NKAIN1: variants seen among roughly 807,000 people sequenced by gnomAD.
The protein encoded by NKAIN1 is sodium/potassium transporting ATPase interacting 1, also known as sodium/potassium-transporting ATPase subunit beta-1-interacting protein 1.
Under a neutral mutation model 31.6 loss-of-function variants are expected in NKAIN1, and 13 were observed. The observed-to-expected ratio is 0.41, with a 90% CI of 0.27 to 0.65. NKAIN1 has a LOEUF of 0.65. NKAIN1 is among the 30% of genes least tolerant of loss of function. The probability of loss-of-function intolerance (pLI) is 0.30; values close to 1 mark genes in which losing one functional copy is unlikely to be tolerated. For synonymous variants in NKAIN1, 104 were observed against 109.0 expected (o/e 0.95, Z 0.28); for missense variants, 193 against 262.2 (o/e 0.74, Z 1.82).
intron 1 of NKAIN1, among the ~76,000 whole-genome samples, chr1:31,200,304 G>C (rs1351759179): frequency 6.6e-6 from 1 of 152,186 alleles, no homozygotes; most frequent in Admixed American, 6.5e-5. Flanking sequence ...GTAAACACAG[G>C]ACCAAAAGCC....
At chr1:31,201,894 G>A (rs1645383080) in intron 1 of NKAIN1, among the ~76,000 whole-genome samples, 1 of 152,162 alleles carries the variant, frequency 6.6e-6, no homozygotes. Flanking sequence ...CCCTGGAGGG[G>A]TAATCTTCCT....
rs79958220 is a variant in NKAIN1 at position 31,190,844 on chromosome 1, G to T, written c.55-2657C>A. Among the ~76,000 whole-genome samples the T allele has an allele frequency of 4.9e-3, 750 of 152,240 alleles. 37 individuals carry two copies. In the East Asian group the frequency reaches 0.099, roughly 20 times the overall value. On this transcript the variant is annotated intron_variant, in intron 1 of 6. Coordinates refer to ENST00000373736, the MANE Select transcript of NKAIN1 (RefSeq NM_024522.3). ...CCTCCTTCCACCCTGACTCTGCCTG[G>T]CCTTGGGAGCCTTGGTGTTCTGGGG...
chr1:31,218,074 T>TCTTTCTCTTTCTTTCTTTCTTTCTTTC (rs1570472285), intron 1 of NKAIN1, among the ~76,000 whole-genome samples: 1 of 148,280 alleles, frequency 6.7e-6, no homozygotes, highest in African/African-American at 2.6e-5. Context: ...CTTTCTTTTT[T>TCTTTCTCTTTCTTTCTTTCTTTCTTTC]TTTTTTGAGA....
chr1:31,233,106 G>A lies in NKAIN1; in HGVS notation c.54+6388C>T, dbSNP rs555410022. On this transcript the variant is annotated intron_variant, in intron 1 of 6. Coordinates refer to ENST00000373736, the MANE Select transcript of NKAIN1 (RefSeq NM_024522.3). This position sits in a 1 kb window ranked among gnomAD's most constrained non-coding sequence, Gnocchi z 4.0. ...TGAAATTACAGGTGCCCACCACCAC[G>A]CTCGGCTAATTTTTTGTATTTTTAG... Among the ~76,000 whole-genome samples the A allele has an allele frequency of 4.9e-4, 74 of 152,162 alleles. No homozygotes were observed. Among genetic ancestry groups the A allele is most frequent in the African/African-American group, 1.8e-3 (73 of 41,508 alleles).
intron 1 of NKAIN1, among the ~76,000 whole-genome samples, chr1:31,228,051 G>C (rs1645620983): frequency 6.6e-6 from 1 of 152,210 alleles, no homozygotes; most frequent in African/African-American, 2.4e-5. Context: ...TGTCTCCATG[G>C]CAACAGTGCA....
chr1:31,225,981 G>C (rs1421338894), intron 1 of NKAIN1, among the ~76,000 whole-genome samples: 3 of 152,202 alleles, frequency 2.0e-5, no homozygotes, highest in Non-Finnish European at 4.4e-5. Flanking sequence ...TATGCTTCTT[G>C]AGCCTTAAGT....
intron 4 of NKAIN1, among the ~76,000 whole-genome samples, chr1:31,183,050 T>G (rs558158676): frequency 6.6e-6 from 1 of 152,024 alleles, no homozygotes; most frequent in African/African-American, 2.4e-5. Flanking sequence ...AGTGCAGTGC[T>G]GCAATCATGG....
At chr1:31,217,904 G>C (rs1187222264) in intron 1 of NKAIN1, among the ~76,000 whole-genome samples, 1 of 152,102 alleles carries the variant, frequency 6.6e-6, no homozygotes, top group Admixed American at 6.6e-5. Flanking sequence ...CCAGGATTCT[G>C]TGCCTGGGAG....
rs146301626 is a variant in NKAIN1, at chr1:31,183,979, C to T, written c.309G>A (p.Leu103=). The change falls in exon 4 of 7, where the codon CTG becomes CTA. Residue 103 remains leucine (L), a synonymous_variant. Coordinates refer to ENST00000373736, the MANE Select transcript of NKAIN1 (RefSeq NM_024522.3). The part of the protein sequence containing the change: ...RDFIMTFNTS[L]HRSWWMENGP... ...CATTCTCCATCCACCAGGAGCGGTG[C>T]AGGGATGTGTTGAAGGTCATGATGA... 18 of 1,613,892 alleles carry T rather than the reference C, an allele frequency of 1.1e-5. No homozygotes were observed. The highest frequency in any genetic ancestry group is 2.7e-5 in the African/African-American group (2 of 74,848).
At chr1:31,226,776 C>T (rs10798833) in intron 1 of NKAIN1, among the ~76,000 whole-genome samples, 26,830 of 151,284 alleles carry the variant, frequency 0.18, 2,983 homozygotes, top group East Asian at 0.4. Flanking sequence ...TGCCCGCCTC[C>T]GTCTCCCAAA....
Position 31,183,935 on chromosome 1 carries a change from G to A in NKAIN1, c.353C>T (p.Thr118Ile). ...AGCCAGGCGGGAGTTCAGAACAGGT[G>A]TCACCAGGCAGCCTGGCCCATTCTC... The part of the protein sequence containing the change: ...WMENGPGCLV[T>I]PVLNSRLALE... Residue 118 changes from threonine (T) to isoleucine (I), a missense_variant, in exon 4 of 7, where the codon ACA becomes ATA. Thr to Ile is a moderately conservative substitution (Grantham distance 89). Coordinates refer to ENST00000373736, the MANE Select transcript of NKAIN1 (RefSeq NM_024522.3). The A allele has an allele frequency of 1.9e-6, 3 of 1,614,154 alleles. No individual in the cohort carries two copies. The highest frequency in any genetic ancestry group is 2.5e-6 in the Non-Finnish European group (3 of 1,180,024).
chr1:31,232,426 G>T (rs12091070), intron 1 of NKAIN1, among the ~76,000 whole-genome samples: 2,968 of 11,684 alleles, frequency 0.25, 40 homozygotes, highest in Middle Eastern at 0.4. Context: ...TATATATATA[G>T]AGAGAGAGAG....
At chr1:31,189,296 G>A (rs1434906464) in intron 1 of NKAIN1, among the ~76,000 whole-genome samples, 4 of 151,912 alleles carry the variant, frequency 2.6e-5, no homozygotes, top group South Asian at 2.1e-4. Flanking sequence ...TAAAATGGTC[G>A]TTTATTTTTT....
chr1:31,181,673 C>A lies in NKAIN1; in HGVS notation c.*30G>T, dbSNP rs1173219541. The A allele has an allele frequency of 1.4e-6, 2 of 1,455,922 alleles. No individual in the cohort carries two copies. The highest frequency in any genetic ancestry group is 1.5e-5 in the South Asian group (1 of 68,950). The allele number at this position is 1,455,922 out of a possible 1,614,324, so 90.2% of individuals were successfully genotyped here. On this transcript the variant is annotated 3_prime_UTR_variant, in exon 7 of 7. Coordinates refer to ENST00000373736, the MANE Select transcript of NKAIN1 (RefSeq NM_024522.3). ...CGCGGCAGCTGCGGTCAGCCCAGGG[C>A]GAGGCGCCGGGGTGGGCGCGGGGCA...
chr1:31,200,170 C>G (rs1346719327), intron 1 of NKAIN1, among the ~76,000 whole-genome samples: 3 of 152,240 alleles, frequency 2.0e-5, no homozygotes, highest in African/African-American at 7.2e-5. Flanking sequence ...CCTCTCTATC[C>G]CAGCCCGGAT....
chr1:31,219,530 G>A (rs1645545584), intron 1 of NKAIN1, among the ~76,000 whole-genome samples: 1 of 152,222 alleles, frequency 6.6e-6, no homozygotes, highest in African/African-American at 2.4e-5. Context: ...CAGTGAGCAT[G>A]TCCCCCTGAT....
At chr1:31,182,226 T>C (rs1645208162) in intron 5 of NKAIN1, among the ~76,000 whole-genome samples, 1 of 151,440 alleles carries the variant, frequency 6.6e-6, no homozygotes, top group Non-Finnish European at 1.5e-5. Context: ...GGCCGGGCAG[T>C]CCTATGGGAG....
rs1348558241 is a variant in NKAIN1, at chr1:31,239,309, CAA to C, written c.54+183_54+184del. On this transcript the variant is annotated intron_variant, in intron 1 of 6. Coordinates refer to ENST00000373736, the MANE Select transcript of NKAIN1 (RefSeq NM_024522.3). The surrounding 1 kb of genome is among the most constrained non-coding windows in gnomAD (Gnocchi z 4.8). ...CGGGCACAGCAGCGAGAAGCGCACA[CAA>C]AGAGACAGCCCGGCCAGCGGGAGCA... is the stretch of plus-strand genomic sequence containing the variant. Among the ~76,000 whole-genome samples the C allele has an allele frequency of 1.3e-5, 2 of 152,092 alleles. No homozygotes were observed. Among genetic ancestry groups the C allele is most frequent in the African/African-American group, 4.8e-5 (2 of 41,422 alleles).
intron 1 of NKAIN1, among the ~76,000 whole-genome samples, chr1:31,234,065 C>T (rs1488941901): frequency 6.6e-6 from 1 of 152,244 alleles, no homozygotes; most frequent in Non-Finnish European, 1.5e-5. Flanking sequence ...CCCTGGAGGC[C>T]TTCTTCTCCA....
Sources: gnomAD v4.1 joint callset for allele counts (sites outside exome capture counted in the v4.1 genomes callset) on GRCh38, gnomAD v4.1.1 for gene constraint, Gnocchi (gnomAD v3.1) non-coding constraint, MANE v1.5 for transcripts, NCBI Gene and HGNC (gene_info 2026-07-23, HGNC 2026-07-21) for gene names.